NRG3: variants seen among roughly 807,000 people sequenced by gnomAD.
NRG3 encodes the protein neuregulin 3, also known as pro-neuregulin-3, membrane-bound isoform.
Under a neutral mutation model 66.9 loss-of-function variants are expected in NRG3, and 31 were observed. That is an observed-to-expected ratio of 0.46 (90% CI 0.35 to 0.63). The LOEUF (loss-of-function observed/expected upper bound fraction) is 0.63, where lower values mean the gene tolerates loss of function less well. Among genes scored for constraint, NRG3 ranks in the 20% least tolerant of loss-of-function variants. The pLI, the probability that NRG3 is intolerant of heterozygous loss-of-function variation, is 0.00. For synonymous variants in NRG3, 393 were observed against 359.4 expected, an observed-to-expected ratio of 1.09 and a Z score of -1.06; for missense variants, 910 against 878.9, an observed-to-expected ratio of 1.04 and a Z score of -0.45.
intron 1 of NRG3, among the ~76,000 whole-genome samples, chr10:81,983,048 T>A (rs2060392328): frequency 1.3e-5 from 2 of 152,170 alleles, no homozygotes; most frequent in Non-Finnish European, 1.5e-5. Flanking sequence ...GAGGGCTATG[T>A]AGACTGTGTC....
chr10:82,031,485 C>T (rs530948983), intron 1 of NRG3, among the ~76,000 whole-genome samples: 402 of 152,110 alleles, frequency 2.6e-3, no homozygotes, highest in African/African-American at 8.9e-3. Context: ...CTGCACTTAT[C>T]GAATGAAATA....
At chr10:81,936,521 TGTAA>T (rs71787286) in intron 1 of NRG3, among the ~76,000 whole-genome samples, 3,415 of 152,044 alleles carry the variant, frequency 0.022, 139 homozygotes, top group African/African-American at 0.079. Context: ...AAGTAGACAG[TGTAA>T]GTGAGGATGG....
At chr10:82,599,501 A>G (rs941559491) in intron 2 of NRG3, among the ~76,000 whole-genome samples, 2 of 152,214 alleles carry the variant, frequency 1.3e-5, no homozygotes, top group Non-Finnish European at 2.9e-5. Context: ...ATTTGTAAAT[A>G]AGAATACTTA....
intron 2 of NRG3, among the ~76,000 whole-genome samples, chr10:82,420,708 A>G (rs1028813651): frequency 4.6e-5 from 7 of 152,180 alleles, no homozygotes; most frequent in Non-Finnish European, 8.8e-5. Context: ...ATGTTCATGT[A>G]TAAACCTGCT....
At chr10:82,458,797 T>C (rs1439798413) in intron 2 of NRG3, among the ~76,000 whole-genome samples, 1 of 152,182 alleles carries the variant, frequency 6.6e-6, no homozygotes, top group East Asian at 1.9e-4. Flanking sequence ...AAGAGTTGAA[T>C]ACTCACATAA....
At chr10:82,878,375 C>A (rs1325043632) in intron 4 of NRG3, among the ~76,000 whole-genome samples, 1 of 152,188 alleles carries the variant, frequency 6.6e-6, no homozygotes, top group Non-Finnish European at 1.5e-5. Context: ...CTTACTCTGT[C>A]AGTAGCTGTG....
intron 3 of NRG3, among the ~76,000 whole-genome samples, chr10:82,762,787 A>C (rs1305572096): frequency 6.6e-6 from 1 of 152,194 alleles, no homozygotes; most frequent in Non-Finnish European, 1.5e-5. Flanking sequence ...CTTTTTGTTT[A>C]GTCACGCATA....
At chr10:82,054,404 G>A (rs1163029475) in intron 1 of NRG3, among the ~76,000 whole-genome samples, 2 of 152,140 alleles carry the variant, frequency 1.3e-5, no homozygotes, top group Non-Finnish European at 2.9e-5. Context: ...AGGATGACTC[G>A]AAGACTTTGT....
At chr10:82,533,661 T>A (rs1307020048) in intron 2 of NRG3, among the ~76,000 whole-genome samples, 10 of 152,270 alleles carry the variant, frequency 6.6e-5, no homozygotes. Flanking sequence ...CAGAAAAAGC[T>A]TTTCCTCTAT....
At chr10:82,110,049 A>G (rs2067294786) in intron 1 of NRG3, among the ~76,000 whole-genome samples, 1 of 152,198 alleles carries the variant, frequency 6.6e-6, no homozygotes, top group South Asian at 2.1e-4. Context: ...CAAAGACAAT[A>G]CACAAAACAG....
intron 2 of NRG3, among the ~76,000 whole-genome samples, chr10:82,691,248 A>C (rs2054904510): frequency 2.0e-5 from 3 of 152,200 alleles, no homozygotes; most frequent in Admixed American, 2.0e-4. Flanking sequence ...ACAGCTTCAC[A>C]ACACAAAGCT....
intron 2 of NRG3, among the ~76,000 whole-genome samples, chr10:82,502,862 T>A (rs1844325235): frequency 6.6e-6 from 1 of 152,230 alleles, no homozygotes; most frequent in African/African-American, 2.4e-5. Flanking sequence ...ATCCTCTGAA[T>A]CAGACAATTC....
At chr10:82,655,479 C>T (rs560119257) in intron 2 of NRG3, among the ~76,000 whole-genome samples, 14 of 152,064 alleles carry the variant, frequency 9.2e-5, no homozygotes, top group Admixed American at 2.6e-4. Context: ...CATAATTAGA[C>T]ATGAATTTTC....
At chr10:82,677,164 A>C (rs1305498932) in intron 2 of NRG3, among the ~76,000 whole-genome samples, 3 of 149,170 alleles carry the variant, frequency 2.0e-5, no homozygotes. Flanking sequence ...CTATCCTGTC[A>C]CCTCAGCTTT....
Position 81,956,563 on chromosome 10 carries a change from A to G in NRG3, c.823+80400A>G, listed in dbSNP as rs554911679. On this transcript the variant is annotated intron_variant, in intron 1 of 8. Transcript: ENST00000372141. ...CATTCACACACCCATATATCCTGTA[A>G]CTGTACTTTCAAAATATAGCCTGCA... Among the ~76,000 whole-genome samples, 4 of 152,220 alleles carry G rather than the reference A, an allele frequency of 2.6e-5. No homozygotes were observed. The South Asian group carries it at 8.3e-4, about 32-fold the overall frequency.
chr10:82,682,946 A>ATTTTT (rs71009814), intron 2 of NRG3, among the ~76,000 whole-genome samples: 4 of 65,334 alleles, frequency 6.1e-5, no homozygotes, highest in Non-Finnish European at 7.9e-5. Context: ...CCATGTCTTA[A>ATTTTT]TTTTTTTTTT....
intron 1 of NRG3, among the ~76,000 whole-genome samples, chr10:82,046,043 C>T (rs2063277634): frequency 7.0e-6 from 1 of 142,192 alleles, no homozygotes. Context: ...ATTGACTTGG[C>T]AATGTGGGCT....
At chr10:82,589,729 A>G (rs2046875844) in intron 2 of NRG3, among the ~76,000 whole-genome samples, 1 of 152,132 alleles carries the variant, frequency 6.6e-6, no homozygotes, top group Non-Finnish European at 1.5e-5. Context: ...CTGAGATAAT[A>G]TTATCTTCTG....
At chr10:82,265,789 T>A (rs571571815) in intron 1 of NRG3, among the ~76,000 whole-genome samples, 5 of 152,062 alleles carry the variant, frequency 3.3e-5, no homozygotes, top group Non-Finnish European at 7.4e-5. Flanking sequence ...AGACTGTAAA[T>A]GATGGAAACC....
Sources: gnomAD v4.1 joint callset for allele counts (sites outside exome capture counted in the v4.1 genomes callset) on GRCh38, gnomAD v4.1.1 for gene constraint, MANE v1.5 for transcripts, NCBI Gene and HGNC (gene_info 2026-07-23, HGNC 2026-07-21) for gene names.